GLRX3: variants seen among roughly 807,000 people sequenced by gnomAD.
GLRX3 encodes glutaredoxin-3.
A neutral mutation model predicts 49.5 loss-of-function variants in GLRX3; 22 were observed. The ratio of observed to expected loss-of-function variants is 0.44; its 90% CI spans 0.32 to 0.63. The LOEUF is 0.63. Among genes scored for constraint, GLRX3 ranks in the 30% least tolerant of loss-of-function variants. The pLI is 0.05. For missense variants in GLRX3, 385 were observed against 396.3 expected, an observed-to-expected ratio of 0.97 and a Z score of 0.24; for synonymous variants, 133 against 140.0, an observed-to-expected ratio of 0.95 and a Z score of 0.35.
At chr10:130,166,777 C>A in intron 5 of GLRX3, 98 bp downstream of exon 5, 3 of 967,732 alleles carry the variant, frequency 3.1e-6, no homozygotes, top group South Asian at 2.9e-5. Flanking sequence ...TCTTATGAAT[C>A]TATATTTACT....
Position 130,179,634 on chromosome 10 carries a change from T to C in GLRX3, c.*242T>C, listed in dbSNP as rs1234172985. On this transcript the variant is annotated 3_prime_UTR_variant, in exon 11 of 11. Transcript: ENST00000331244. ...TAATTGTATGAAAAAAGTGTATCTT[T>C]ACAGCAGTATTAAACATACAGCTAC... 6 of 453,816 alleles carry C rather than the reference T, an allele frequency of 1.3e-5. No homozygotes were observed. The highest frequency in any genetic ancestry group is 2.0e-5 in the Non-Finnish European group (5 of 252,402). 28.1% of individuals were successfully genotyped at this position (453,816 alleles called of 1,614,324 possible).
At chr10:130,174,278 C>T (rs993499586) in intron 8 of GLRX3, among the ~76,000 whole-genome samples, 6 of 152,216 alleles carry the variant, frequency 3.9e-5, no homozygotes, top group East Asian at 3.8e-4. Flanking sequence ...CTCCAGCCTC[C>T]GTCCACGAGC....
At chr10:130,175,629 C>T (rs113105417) in intron 10 of GLRX3, among the ~76,000 whole-genome samples, 192 of 152,310 alleles carry the variant, frequency 1.3e-3, no homozygotes, top group African/African-American at 4.5e-3. Context: ...CTTCCTGATG[C>T]TTTGTGTATT....
intron 2 of GLRX3, among the ~76,000 whole-genome samples, chr10:130,151,147 C>T (rs952611150): frequency 7.2e-5 from 11 of 152,082 alleles, no homozygotes; most frequent in South Asian, 2.1e-4. Context: ...AGGCTGGTTT[C>T]GAACTCATGA....
At chr10:130,173,592 T>C (rs1396555052) in intron 8 of GLRX3, among the ~76,000 whole-genome samples, 1 of 152,240 alleles carries the variant, frequency 6.6e-6, no homozygotes, top group East Asian at 1.9e-4. Context: ...TTAGGAAGTA[T>C]ACTGGCTGTT....
intron 8 of GLRX3, among the ~76,000 whole-genome samples, chr10:130,173,881 G>A (rs1313434526): frequency 6.6e-6 from 1 of 152,020 alleles, no homozygotes; most frequent in Non-Finnish European, 1.5e-5. Context: ...TTGGGAACTT[G>A]TTTACTAAAT....
Position 130,160,086 on chromosome 10 carries a change from T to A in GLRX3, c.276+17T>A. 6.7e-7 allele frequency: 1 copy of A among 1,481,502 alleles called. No homozygotes were observed. Among genetic ancestry groups the A allele is most frequent in the Non-Finnish European group, 9.4e-7 (1 of 1,059,704 alleles). 91.8% of individuals were successfully genotyped at this position (1,481,502 alleles called of 1,614,324 possible). On this transcript the variant is annotated intron_variant, in intron 3 of 10. Transcript: ENST00000331244. ...TTTTTCAAGGTAAGGATAAAGGTGG[T>A]ACAAGAGATTATCCATTTGTAGGGT...
intron 1 of GLRX3, among the ~76,000 whole-genome samples, chr10:130,138,194 C>G (rs1033783770): frequency 6.6e-6 from 1 of 152,082 alleles, no homozygotes; most frequent in Non-Finnish European, 1.5e-5. Flanking sequence ...GTATCTGGGA[C>G]TACACGTGCG....
chr10:130,173,885 A>T (rs1378111183), intron 8 of GLRX3, among the ~76,000 whole-genome samples: 2 of 152,138 alleles, frequency 1.3e-5, no homozygotes, highest in Admixed American at 6.5e-5. Flanking sequence ...GAACTTGTTT[A>T]CTAAATAAAC....
intron 2 of GLRX3, among the ~76,000 whole-genome samples, chr10:130,147,855 C>A (rs547397900): frequency 1.3e-5 from 2 of 152,134 alleles, no homozygotes; most frequent in South Asian, 4.2e-4. Flanking sequence ...CAGCCTGATG[C>A]ACATAGCAAA....
rs551745101 is a variant in GLRX3, at chr10:130,137,973, C to A, written c.92+1461C>A. On this transcript the variant is annotated intron_variant, in intron 1 of 10. Coordinates refer to ENST00000331244, the MANE Select transcript of GLRX3 (RefSeq NM_006541.5). ...CTCGTCTCGACCTTCTGGACTCGAG[C>A]GATCTGCCCTCCTCAGCCTCCCAAA... 2.0e-5 allele frequency among the ~76,000 whole-genome samples: 3 copies of A among 152,198 alleles called. No homozygotes were observed. In the South Asian group the frequency reaches 6.2e-4, roughly 32 times the overall value.
At chr10:130,148,899 C>T (rs1862318712) in intron 2 of GLRX3, among the ~76,000 whole-genome samples, 1 of 151,834 alleles carries the variant, frequency 6.6e-6, no homozygotes, top group African/African-American at 2.4e-5. Flanking sequence ...TTCATCTCTA[C>T]AGAATAAAAA....
At chr10:130,137,118 C>T (rs1051449817) in intron 1 of GLRX3, among the ~76,000 whole-genome samples, 1 of 152,248 alleles carries the variant, frequency 6.6e-6, no homozygotes, top group Non-Finnish European at 1.5e-5. Context: ...TGTTGGACAG[C>T]AGGTAGCCTC....
intron 2 of GLRX3, among the ~76,000 whole-genome samples, chr10:130,152,780 T>TG (rs1298476989): frequency 8.1e-6 from 1 of 123,312 alleles, no homozygotes; most frequent in East Asian, 2.0e-4. Context: ...TTATATGTCT[T>TG]GGGGTCGCTC....
rs1016629775 is a variant in GLRX3, at chr10:130,168,676, T to G, written c.714-757T>G. 6.6e-5 allele frequency among the ~76,000 whole-genome samples: 10 copies of G among 152,274 alleles called. No homozygotes were observed. In the South Asian group the frequency reaches 2.1e-3, roughly 32 times the overall value. On this transcript the variant is annotated intron_variant, in intron 6 of 10. Transcript: ENST00000331244. The stretch of plus-strand genomic sequence containing the variant: ...TTTTGCCAGGATGGTCTTGATCTCC[T>G]GACCTCGTGATCCACCTGCCTCAGC...
At chr10:130,172,205 C>T (rs961906791) in intron 8 of GLRX3, among the ~76,000 whole-genome samples, 2 of 152,154 alleles carry the variant, frequency 1.3e-5, no homozygotes, top group Admixed American at 1.3e-4. Flanking sequence ...AAATGTATAA[C>T]TGAGTCCTCA....
At chr10:130,140,238 G>A (rs761037412) in intron 1 of GLRX3, among the ~76,000 whole-genome samples, 2 of 152,220 alleles carry the variant, frequency 1.3e-5, no homozygotes, top group Non-Finnish European at 2.9e-5. Flanking sequence ...TGCTGATGAA[G>A]AGCTGAAGTT....
At chr10:130,174,255 C>T (rs1279782794) in intron 8 of GLRX3, among the ~76,000 whole-genome samples, 4 of 152,212 alleles carry the variant, frequency 2.6e-5, no homozygotes, top group East Asian at 3.8e-4. Context: ...GGTTGTTATC[C>T]GGCTGCTGAG....
Position 130,166,983 on chromosome 10 carries a change from A to G in GLRX3, c.713+3A>G, listed in dbSNP as rs1040443064. ...AAAGCTCCCAAATTAGAGGAAAGGTAAGTGTTTTAGAAGGTTTCAAATAGC... is the reference window on the plus strand; with the variant it reads ...AAAGCTCCCAAATTAGAGGAAAGGTGAGTGTTTTAGAAGGTTTCAAATAGC... On this transcript the variant is annotated splice_donor_region_variant and intron_variant, in intron 6 of 10. Coordinates refer to ENST00000331244, the MANE Select transcript of GLRX3 (RefSeq NM_006541.5). 1.9e-6 allele frequency: 3 copies of G among 1,555,312 alleles called. No homozygotes were observed. The highest frequency in any genetic ancestry group is 2.6e-6 in the Non-Finnish European group (3 of 1,134,748).
Sources: allele counts gnomAD v4.1 joint callset (sites outside exome capture counted in the v4.1 genomes callset), GRCh38; gene constraint gnomAD v4.1.1; transcripts MANE v1.5; gene names NCBI Gene and HGNC (gene_info 2026-07-23, HGNC 2026-07-21).